GLCCI1: variants seen among roughly 807,000 people sequenced by gnomAD.
GLCCI1 encodes glucocorticoid-induced transcript 1 protein.
In GLCCI1, 24 loss-of-function variants were observed where a neutral mutation model predicts 52.2. That is an observed-to-expected ratio of 0.46 (90% CI 0.33 to 0.65). The LOEUF (loss-of-function observed/expected upper bound fraction) is 0.65, where lower values mean the gene tolerates loss of function less well. GLCCI1 is among the 30% of genes least tolerant of loss of function. The probability of loss-of-function intolerance (pLI) is 0.02; values close to 1 mark genes in which losing one functional copy is unlikely to be tolerated. For synonymous variants in GLCCI1, 310 were observed against 276.5 expected, an observed-to-expected ratio of 1.12 and a Z score of -1.20; for missense variants, 704 against 701.5, an observed-to-expected ratio of 1.00 and a Z score of -0.04.
intron 3 of GLCCI1, among the ~76,000 whole-genome samples, chr7:8,033,090 G>A (rs2127952231): frequency 6.6e-6 from 1 of 151,846 alleles, no homozygotes; most frequent in East Asian, 1.9e-4. Context: ...ATGCAATGAT[G>A]GTTTAACATC....
At chr7:8,080,022 C>T (rs1002344633) in intron 6 of GLCCI1, among the ~76,000 whole-genome samples, 8 of 151,304 alleles carry the variant, frequency 5.3e-5, no homozygotes, top group African/African-American at 2.0e-4. Flanking sequence ...TTGTAAAAGC[C>T]AAATGTTCTC....
At chr7:8,012,104 C>G (rs539918084) in intron 2 of GLCCI1, among the ~76,000 whole-genome samples, 2 of 151,192 alleles carry the variant, frequency 1.3e-5, no homozygotes, top group Non-Finnish European at 2.9e-5. Context: ...CATGAGTCAC[C>G]GTGCCCAGCC....
intron 4 of GLCCI1, among the ~76,000 whole-genome samples, chr7:8,059,637 TAGTTGACA>T (rs1355700918): frequency 6.6e-6 from 1 of 152,204 alleles, no homozygotes; most frequent in Non-Finnish European, 1.5e-5. Flanking sequence ...TTTTCTGAAA[TAGTTGACA>T]AGATGGAAAT....
At chr7:8,011,887 C>T (rs920210871) in intron 2 of GLCCI1, among the ~76,000 whole-genome samples, 1 of 152,012 alleles carries the variant, frequency 6.6e-6, no homozygotes, top group African/African-American at 2.4e-5. Flanking sequence ...ACTATCTTGG[C>T]TCACTGCAAG....
intron 3 of GLCCI1, among the ~76,000 whole-genome samples, chr7:8,045,182 G>A (rs1449591915): frequency 6.6e-6 from 1 of 152,194 alleles, no homozygotes; most frequent in African/African-American, 2.4e-5. Flanking sequence ...AACGGTTCCA[G>A]TGTAGGGTCA....
chr7:8,059,099 G>A (rs1782461162), intron 4 of GLCCI1, among the ~76,000 whole-genome samples: 2 of 152,158 alleles, frequency 1.3e-5, no homozygotes, highest in African/African-American at 2.4e-5. Flanking sequence ...CTGTCTCAGG[G>A]TGGCAGAGGT....
chr7:7,983,246 T>C (rs544552157), intron 1 of GLCCI1, among the ~76,000 whole-genome samples: 194 of 152,224 alleles, frequency 1.3e-3, no homozygotes, highest in Admixed American at 2.3e-3. Flanking sequence ...TATGTAGGAA[T>C]TTTAGGAAAT....
intron 2 of GLCCI1, among the ~76,000 whole-genome samples, chr7:8,019,979 T>A (rs1431353369): frequency 1.3e-5 from 2 of 152,152 alleles, no homozygotes; most frequent in East Asian, 3.8e-4. Context: ...TTACACTAAG[T>A]TTATAACAAA....
intron 1 of GLCCI1, among the ~76,000 whole-genome samples, chr7:7,991,617 G>A (rs1290844851): frequency 6.6e-6 from 1 of 151,948 alleles, no homozygotes; most frequent in African/African-American, 2.4e-5. Context: ...AGGTAGTGTG[G>A]AAGGAGCCTG....
At chr7:7,992,113 C>T (rs1780853606) in intron 1 of GLCCI1, among the ~76,000 whole-genome samples, 3 of 147,260 alleles carry the variant, frequency 2.0e-5, no homozygotes, top group Non-Finnish European at 3.0e-5. Flanking sequence ...CTGTTTCTCT[C>T]TCTCTCTCTC....
intron 3 of GLCCI1, among the ~76,000 whole-genome samples, chr7:8,050,745 G>A (rs368990060): frequency 2.0e-4 from 30 of 152,250 alleles, no homozygotes; most frequent in Admixed American, 5.2e-4. Flanking sequence ...AGTCAGTATA[G>A]AATGGTGATG....
chr7:8,029,143 A>G (rs540991961), intron 3 of GLCCI1, among the ~76,000 whole-genome samples: 1 of 152,302 alleles, frequency 6.6e-6, no homozygotes, highest in East Asian at 1.9e-4. Context: ...ACAAAGACAC[A>G]TCAGAAAAGT....
intron 4 of GLCCI1, among the ~76,000 whole-genome samples, chr7:8,058,460 CTT>C (rs1476890807): frequency 6.6e-6 from 1 of 152,056 alleles, no homozygotes; most frequent in African/African-American, 2.4e-5. Flanking sequence ...TTTGAAAAGA[CTT>C]TTCCTACAAG....
In GLCCI1 at chr7:8,071,131, G is replaced by C. The variant is rs958963305; in HGVS notation, c.1177G>C (p.Asp393His). 1 of 1,612,946 alleles carries C rather than the reference G, an allele frequency of 6.2e-7. No homozygotes were observed. The highest frequency in any genetic ancestry group is 8.5e-7 in the Non-Finnish European group (1 of 1,179,064). Residue 393 changes from aspartate to histidine, a missense_variant and splice_region_variant, in exon 6 of 8, where the codon GAC (aspartate) becomes CAC (histidine). By Grantham distance (81) the Asp-to-His change is moderately conservative (BLOSUM62 -1). Coordinates refer to ENST00000223145, the MANE Select transcript of GLCCI1 (RefSeq NM_138426.4). ...TEDLLYDRDK[D>H]SGSSSPLPKY... Reference sequence around the variant, plus strand: ...AGATTTGCTCTATGATCGTGATAAAGGTAAGAATGGAATTGTCCACTTAGA... The same window carrying C: ...AGATTTGCTCTATGATCGTGATAAACGTAAGAATGGAATTGTCCACTTAGA...
At position 7,969,274 on chromosome 7, in the gene GLCCI1, C is replaced by A; in HGVS notation, c.-77C>A. 1 of 1,281,666 alleles carries A rather than the reference C, an allele frequency of 7.8e-7. No individual in the cohort carries two copies. Among genetic ancestry groups the A allele is most frequent in the Non-Finnish European group, 1.0e-6 (1 of 1,002,314 alleles). The allele number at this position is 1,281,666 out of a possible 1,614,324, so 79.4% of individuals were successfully genotyped here. A position where few individuals can be genotyped will look rare whatever the true frequency, so the allele number is the denominator to read the frequency against. ...TACACACTCGCACGCACTATCGCGC[C>A]GGCTCCCACACGCTCGCGCGCCTCC... On this transcript the variant is annotated 5_prime_UTR_variant, in exon 1 of 8. Coordinates refer to ENST00000223145, the MANE Select transcript of GLCCI1 (RefSeq NM_138426.4). The surrounding 1 kb of genome is among the most constrained non-coding windows in gnomAD (Gnocchi z 4.9).
chr7:8,020,271 T>A (rs1381462872), intron 2 of GLCCI1, among the ~76,000 whole-genome samples: 1 of 152,138 alleles, frequency 6.6e-6, no homozygotes, highest in African/African-American at 2.4e-5. Flanking sequence ...GTAATAGGAA[T>A]TTTTCAGCTT....
rs537511756 is a variant in GLCCI1, at chr7:8,002,242, A to G, written c.458-1666A>G. 2.6e-4 allele frequency among the ~76,000 whole-genome samples: 39 copies of G among 151,782 alleles called. No homozygotes were observed. The South Asian group carries it at 7.7e-3, about 30-fold the overall frequency. ...TAGAGTACTCTTCTAAGTCTGTAAC[A>G]GATAAAACTGATAATTATTCCTATA... On this transcript the variant is annotated intron_variant, in intron 1 of 7. Coordinates refer to ENST00000223145, the MANE Select transcript of GLCCI1 (RefSeq NM_138426.4).
At chr7:7,988,636 G>C (rs1475919864) in intron 1 of GLCCI1, among the ~76,000 whole-genome samples, 1 of 152,082 alleles carries the variant, frequency 6.6e-6, no homozygotes, top group African/African-American at 2.4e-5. Flanking sequence ...TGGAGAGTAA[G>C]GTAGGTGATT....
At chr7:7,979,464 T>A (rs1348140991) in intron 1 of GLCCI1, among the ~76,000 whole-genome samples, 1 of 151,630 alleles carries the variant, frequency 6.6e-6, no homozygotes, top group Non-Finnish European at 1.5e-5. Context: ...TCTGGTGTTC[T>A]GTTTTGAAGT....
Sources: allele counts gnomAD v4.1 joint callset (sites outside exome capture counted in the v4.1 genomes callset), GRCh38; gene constraint gnomAD v4.1.1; non-coding constraint Gnocchi (gnomAD v3.1); transcripts MANE v1.5; gene names NCBI Gene and HGNC (gene_info 2026-07-23, HGNC 2026-07-21).